WRAP73: variants seen among roughly 807,000 people sequenced by gnomAD.
WRAP73 encodes WD repeat containing, antisense to TP73, also known as WD repeat-containing protein WRAP73.
A neutral mutation model predicts 59.6 loss-of-function variants in WRAP73; 55 were observed. The ratio of observed to expected loss-of-function variants is 0.92; its 90% CI spans 0.74 to 1.15. The LOEUF is 1.15. Ranked by LOEUF, WRAP73 falls within the 50% of genes most tolerant of loss-of-function variation. The pLI is 0.00. For missense variants in WRAP73, 592 were observed against 608.1 expected, an observed-to-expected ratio of 0.97 and a Z score of 0.28; for synonymous variants, 265 against 258.2, an observed-to-expected ratio of 1.03 and a Z score of -0.25.
In WRAP73 at chr1:3,647,429, C is replaced by T; in HGVS notation, c.201G>A (p.Met67Ile). The T allele has an allele frequency of 6.2e-7, 1 of 1,613,732 alleles. No individual in the cohort carries two copies. Among genetic ancestry groups the T allele is most frequent in the South Asian group, 1.1e-5 (1 of 91,048 alleles). ...SADSLFILCA[M>I]YKRGLVQVWS... is the part of the protein sequence containing the mutation. The stretch of plus-strand genomic sequence containing the variant: ...ACACCTGCACCAGCCCTCGCTTGTA[C>T]ATGGCGCACAGGATGAAGAGCGAGT... Residue 67 changes from methionine to isoleucine, a missense_variant, in exon 2 of 12, where the codon ATG becomes ATA. Physicochemically the swap from Met to Ile is conservative, Grantham distance 10. Coordinates refer to ENST00000270708, the MANE Select transcript of WRAP73 (RefSeq NM_017818.4).
At position 3,630,796 on chromosome 1, in the gene WRAP73, T is replaced by C. The variant is rs1644522280; in HGVS notation, c.*179A>G. 1 of 760,566 alleles carries C rather than the reference T, an allele frequency of 1.3e-6. No homozygotes were observed. Among genetic ancestry groups the C allele is most frequent in the African/African-American group, 1.8e-5 (1 of 56,076 alleles). 47.1% of individuals were successfully genotyped at this position (760,566 alleles called of 1,614,324 possible). On this transcript the variant is annotated 3_prime_UTR_variant, in exon 12 of 12. Transcript: ENST00000270708. Reference sequence around the variant, plus strand: ...TGTATAAATCAGCAAGTATTTATTTTAAATAATAAAACTACAGTTTTATAC... The same window carrying C: ...TGTATAAATCAGCAAGTATTTATTTCAAATAATAAAACTACAGTTTTATAC...
chr1:3,635,936 C>T lies in WRAP73; in HGVS notation c.603+8G>A. 2 of 1,613,168 alleles carry T rather than the reference C, an allele frequency of 1.2e-6. No homozygotes were observed. The highest frequency in any genetic ancestry group is 1.3e-5 in the African/African-American group (1 of 75,030). ...GAAAGCAAACATGTCACCTGGTCAT[C>T]TTCATACCTCCAAGCAGGTGTCCCA... On this transcript the variant is annotated splice_region_variant and intron_variant, in intron 6 of 11. Coordinates refer to ENST00000270708, the MANE Select transcript of WRAP73 (RefSeq NM_017818.4).
rs1054576576 is a variant in WRAP73 at position 3,634,511 on chromosome 1, C to T, written c.816+486G>A. 2.1e-5 allele frequency: 4 copies of T among 188,114 alleles called. No individual in the cohort carries two copies. The South Asian group carries it at 4.2e-4, about 20-fold the overall frequency. The allele number at this position is 188,114 out of a possible 1,614,324, so 11.7% of individuals were successfully genotyped here. A position where few individuals can be genotyped will look rare whatever the true frequency, so the allele number is the denominator to read the frequency against. On this transcript the variant is annotated intron_variant, in intron 8 of 11. Coordinates refer to ENST00000270708, the MANE Select transcript of WRAP73 (RefSeq NM_017818.4). ...ATCACTGGTGCAGCATCTGTGCCTG[C>T]GATCCCTCGCTGGTGGCCACTCCCT...
At chr1:3,637,519 T>G (rs1393116575) in intron 4 of WRAP73, among the ~76,000 whole-genome samples, 1 of 152,346 alleles carries the variant, frequency 6.6e-6, no homozygotes, top group East Asian at 1.9e-4. Flanking sequence ...TACCTTTGAA[T>G]TTAATTATTT....
chr1:3,641,166 A>C (rs1235322735), intron 3 of WRAP73, among the ~76,000 whole-genome samples: 1 of 152,194 alleles, frequency 6.6e-6, no homozygotes, highest in Admixed American at 6.5e-5. Context: ...AGCAGGAAGA[A>C]AGGACCAGAG....
chr1:3,631,972 G>A (rs1276712176), intron 10 of WRAP73: 21 of 1,412,978 alleles, frequency 1.5e-5, no homozygotes, highest in African/African-American at 2.9e-5. Flanking sequence ...TTTCTACTCA[G>A]CAGAGTGGAG....
chr1:3,632,418 A>G, intron 9 of WRAP73, 80 bp from the exon 10 acceptor site: 1 of 1,605,602 alleles, frequency 6.2e-7, no homozygotes, highest in Non-Finnish European at 8.5e-7. Context: ...CTGTGCCTGC[A>G]TCGGGCATCG....
chr1:3,640,410 C>G (rs922934464), intron 3 of WRAP73, among the ~76,000 whole-genome samples: 2 of 151,720 alleles, frequency 1.3e-5, no homozygotes, highest in African/African-American at 4.8e-5. Context: ...CGGGGTGGAG[C>G]GCCCGAGCAT....
Position 3,630,792 on chromosome 1 carries a change from A to C in WRAP73, c.*183T>G, listed in dbSNP as rs993297536. The stretch of plus-strand genomic sequence containing the variant: ...TAGTTGTATAAATCAGCAAGTATTT[A>C]TTTTAAATAATAAAACTACAGTTTT... On this transcript the variant is annotated 3_prime_UTR_variant, in exon 12 of 12. Transcript: ENST00000270708. The C allele has an allele frequency of 6.7e-6, 5 of 740,942 alleles. No individual in the cohort carries two copies. The highest frequency in any genetic ancestry group is 1.0e-5 in the Non-Finnish European group (5 of 482,284). The allele number at this position is 740,942 out of a possible 1,614,324, so 45.9% of individuals were successfully genotyped here. A position where few individuals can be genotyped will look rare whatever the true frequency, so the allele number is the denominator to read the frequency against.
intron 6 of WRAP73, chr1:3,635,559 G>A (rs954878077): frequency 2.8e-5 from 15 of 537,158 alleles, no homozygotes; most frequent in East Asian, 6.7e-5. Flanking sequence ...TGTGGCTCAC[G>A]CCTGTAATCC....
intron 3 of WRAP73, among the ~76,000 whole-genome samples, chr1:3,642,821 T>C (rs1344482423): frequency 1.3e-5 from 2 of 151,598 alleles, no homozygotes; most frequent in Admixed American, 1.3e-4. Flanking sequence ...TGAACCTGCT[T>C]CATTTAAATG....
At position 3,630,915 on chromosome 1, in the gene WRAP73, T is replaced by C; in HGVS notation, c.*60A>G. 1 of 1,565,130 alleles carries C rather than the reference T, an allele frequency of 6.4e-7. No homozygotes were observed. The highest frequency in any genetic ancestry group is 2.3e-5 in the East Asian group (1 of 44,156). On this transcript the variant is annotated 3_prime_UTR_variant, in exon 12 of 12. Coordinates refer to ENST00000270708, the MANE Select transcript of WRAP73 (RefSeq NM_017818.4). The stretch of plus-strand genomic sequence containing the variant: ...TGGAGAACCTCCTGGTGAAGCTGTG[T>C]TTTTTCCCACACTGGAAACACAGAG...
rs539709005 is a variant in WRAP73 at position 3,644,509 on chromosome 1, G to A, written c.339+2157C>T. 3.3e-4 allele frequency among the ~76,000 whole-genome samples: 50 copies of A among 152,362 alleles called. 1 individual carries two copies. The highest frequency in any genetic ancestry group is 1.0e-3 in the African/African-American group (42 of 41,586). On this transcript the variant is annotated intron_variant, in intron 3 of 11. Coordinates refer to ENST00000270708, the MANE Select transcript of WRAP73 (RefSeq NM_017818.4). ...GTGCCCGCAGCTCACTTCCTGGCCAGCACGTCTGGAATTCCGGTTTTGTTT... is the reference window on the plus strand; with the variant it reads ...GTGCCCGCAGCTCACTTCCTGGCCAACACGTCTGGAATTCCGGTTTTGTTT...
intron 3 of WRAP73, among the ~76,000 whole-genome samples, chr1:3,640,354 C>T (rs1180998836): frequency 1.3e-5 from 2 of 152,050 alleles, no homozygotes; most frequent in Non-Finnish European, 2.9e-5. Context: ...GCCTCTCAGA[C>T]TCAGCAGGGT....
intron 11 of WRAP73, 144 bp downstream of exon 11, chr1:3,631,322 T>C (rs533213237): frequency 1.6e-5 from 21 of 1,313,648 alleles, no homozygotes; most frequent in Admixed American, 6.9e-5. Flanking sequence ...TGTGTGTCCG[T>C]CTTGAGGTTT....
chr1:3,645,829 T>G (rs1164846836), intron 3 of WRAP73, among the ~76,000 whole-genome samples: 2 of 152,284 alleles, frequency 1.3e-5, no homozygotes, highest in East Asian at 1.9e-4. Flanking sequence ...ACGGAGGCTG[T>G]TGTGCGGTAC....
intron 1 of WRAP73, among the ~76,000 whole-genome samples, chr1:3,649,498 T>G (rs2101975494): frequency 6.6e-6 from 1 of 152,282 alleles, no homozygotes; most frequent in South Asian, 2.1e-4. Flanking sequence ...CTGTGTGCAG[T>G]CGGCACTGCC....
rs1393556947 is a variant in WRAP73, at chr1:3,646,460, G to T, written c.339+206C>A. Among the ~76,000 whole-genome samples, 8 of 152,188 alleles carry T rather than the reference G, an allele frequency of 5.3e-5. No homozygotes were observed. Among genetic ancestry groups the T allele is most frequent in the African/African-American group, 1.9e-4 (8 of 41,436 alleles). ...ACTGTATCTAATTTATAAATTAAAT[G>T]TATCACAGGTATGCTGTATAGGAAA... is the stretch of plus-strand genomic sequence containing the variant. On this transcript the variant is annotated intron_variant, in intron 3 of 11. Transcript: ENST00000270708. The surrounding 1 kb of genome is among the most constrained non-coding windows in gnomAD (Gnocchi z 5.1).
At chr1:3,634,912 C>T (rs1644574729) in intron 8 of WRAP73, 85 bp downstream of exon 8, 1 of 1,491,612 alleles carries the variant, frequency 6.7e-7, no homozygotes, top group Non-Finnish European at 9.3e-7. Context: ...TAATAAACCA[C>T]AATCAAGAAA....
Sources: gnomAD v4.1 joint callset for allele counts (sites outside exome capture counted in the v4.1 genomes callset) on GRCh38, gnomAD v4.1.1 for gene constraint, Gnocchi (gnomAD v3.1) non-coding constraint, MANE v1.5 for transcripts, NCBI Gene and HGNC (gene_info 2026-07-23, HGNC 2026-07-21) for gene names.